Variants in WDR1 observed in about 807,000 individuals in gnomAD.
WDR1 encodes the protein WD repeat-containing protein 1.
In WDR1, 21 loss-of-function variants were observed where a neutral mutation model predicts 71.9. That is an observed-to-expected ratio of 0.29 (90% CI 0.21 to 0.42). The LOEUF is 0.42. WDR1 is among the 10% of genes least tolerant of loss of function. The pLI, the probability that WDR1 is intolerant of heterozygous loss-of-function variation, is 1.00. For synonymous variants in WDR1, 424 were observed against 347.4 expected, an observed-to-expected ratio of 1.22 and a Z score of -2.45; for missense variants, 696 against 824.5, an observed-to-expected ratio of 0.84 and a Z score of 1.91.
intron 2 of WDR1, among the ~76,000 whole-genome samples, chr4:10,105,063 G>A (rs1209999778): frequency 6.6e-6 from 1 of 152,210 alleles, no homozygotes; most frequent in Non-Finnish European, 1.5e-5. Context: ...TCTGTGTGTA[G>A]TCTGTGCCCT....
At position 10,112,048 on chromosome 4, in the gene WDR1, G is replaced by A. The variant is rs180994771; in HGVS notation, c.138+4065C>T. ...GCACACAAGAGGGCCTCTGTTGTGA[G>A]GCAAAAGTTGCTTTTTTTTTTTCTT... On this transcript the variant is annotated intron_variant, in intron 2 of 14. Transcript: ENST00000499869. Among the ~76,000 whole-genome samples, 28 of 152,190 alleles carry A rather than the reference G, an allele frequency of 1.8e-4. No individual in the cohort carries two copies. In the Middle Eastern group the frequency reaches 0.01, roughly 55 times the overall value.
chr4:10,084,915 C>A (rs1388748740), intron 8 of WDR1, among the ~76,000 whole-genome samples: 2 of 152,212 alleles, frequency 1.3e-5, no homozygotes, highest in African/African-American at 4.8e-5. Context: ...GGGGGTCGGT[C>A]CAGGAGGACT....
At chr4:10,082,225 G>A (rs948049833) in intron 10 of WDR1, among the ~76,000 whole-genome samples, 1 of 152,220 alleles carries the variant, frequency 6.6e-6, no homozygotes, top group African/African-American at 2.4e-5. Flanking sequence ...CAGGCAGGCA[G>A]GGCCTGTGTT....
chr4:10,096,830 C>G (rs1397974253), intron 5 of WDR1, among the ~76,000 whole-genome samples: 1 of 150,700 alleles, frequency 6.6e-6, no homozygotes, highest in Non-Finnish European at 1.5e-5. Context: ...AATCTGCAAA[C>G]ACAACCTCCT....
At chr4:10,094,507 G>A (rs1385006210) in intron 5 of WDR1, among the ~76,000 whole-genome samples, 1 of 152,190 alleles carries the variant, frequency 6.6e-6, no homozygotes, top group Non-Finnish European at 1.5e-5. Flanking sequence ...ATGGGGGAAG[G>A]CAGGGAGATG....
At chr4:10,105,009 C>G (rs1011450107) in intron 2 of WDR1, among the ~76,000 whole-genome samples, 1 of 152,130 alleles carries the variant, frequency 6.6e-6, no homozygotes, top group Non-Finnish European at 1.5e-5. Context: ...GAAGTACAGA[C>G]CCTGATTCCT....
At chr4:10,094,185 C>T (rs902422933) in intron 5 of WDR1, among the ~76,000 whole-genome samples, 2 of 152,216 alleles carry the variant, frequency 1.3e-5, no homozygotes, top group Non-Finnish European at 1.5e-5. Flanking sequence ...GCTGAGCCCC[C>T]AGGACGACAT....
At chr4:10,077,971 C>T in intron 12 of WDR1, 45 bp from the exon 13 acceptor site, 1 of 1,538,578 alleles carries the variant, frequency 6.5e-7, no homozygotes, top group Non-Finnish European at 8.8e-7. Flanking sequence ...TGAACACACA[C>T]ACCACACCCA....
chr4:10,097,430 C>T (rs541246708), intron 5 of WDR1, among the ~76,000 whole-genome samples: 6 of 152,382 alleles, frequency 3.9e-5, no homozygotes, highest in South Asian at 2.1e-4. Context: ...CCTGGTTACA[C>T]GGTCAGGGAC....
chr4:10,113,565 T>G (rs1390170013), intron 2 of WDR1, among the ~76,000 whole-genome samples: 6 of 151,126 alleles, frequency 4.0e-5, no homozygotes, highest in Non-Finnish European at 8.8e-5. Context: ...AGGCCTGTCT[T>G]GTGTTTCAGC....
intron 2 of WDR1, among the ~76,000 whole-genome samples, chr4:10,112,870 C>G (rs994416799): frequency 6.6e-6 from 1 of 152,230 alleles, no homozygotes. Context: ...GAGGGGAAAG[C>G]CCTGCTGGCC....
chr4:10,092,914 A>T (rs1018779838), intron 5 of WDR1: 2 of 517,716 alleles, frequency 3.9e-6, no homozygotes, highest in Admixed American at 2.4e-5. Flanking sequence ...CTGGTGGACA[A>T]CTGACGGTGT....
intron 2 of WDR1, among the ~76,000 whole-genome samples, chr4:10,112,346 C>T (rs965819315): frequency 6.6e-6 from 1 of 152,158 alleles, no homozygotes; most frequent in African/African-American, 2.4e-5. Flanking sequence ...ATCCCTTCTC[C>T]GTGGGGAACT....
chr4:10,098,940 G>C, intron 4 of WDR1, 52 bp downstream of exon 4: 1 of 1,610,274 alleles, frequency 6.2e-7, no homozygotes, highest in South Asian at 1.1e-5. Flanking sequence ...ATAGCACATG[G>C]ACGCATGAGC....
intron 2 of WDR1, among the ~76,000 whole-genome samples, chr4:10,115,579 TG>T (rs1338186819): frequency 6.6e-6 from 1 of 152,272 alleles, no homozygotes; most frequent in Non-Finnish European, 1.5e-5. Context: ...CAGGCACCGC[TG>T]GGCTTGAGGG....
intron 3 of WDR1, among the ~76,000 whole-genome samples, chr4:10,100,064 T>A (rs962348068): frequency 6.6e-6 from 1 of 152,242 alleles, no homozygotes; most frequent in Admixed American, 6.5e-5. Context: ...TCTCAAGGCT[T>A]CACGCTTTAA....
chr4:10,106,017 C>G (rs1449631348), intron 2 of WDR1, among the ~76,000 whole-genome samples: 1 of 151,674 alleles, frequency 6.6e-6, no homozygotes, highest in Non-Finnish European at 1.5e-5. Context: ...AAAGACTACA[C>G]ATTGCCTCTC....
intron 11 of WDR1, among the ~76,000 whole-genome samples, chr4:10,079,760 G>A (rs2109638245): frequency 6.6e-6 from 1 of 152,296 alleles, no homozygotes; most frequent in East Asian, 1.9e-4. Flanking sequence ...GTTTCTGCGT[G>A]GATTGTGGGT....
rs772812890 is a variant in WDR1, at chr4:10,078,895, C to T, written c.1391G>A (p.Gly464Asp). 2 of 1,612,070 alleles carry T rather than the reference C, an allele frequency of 1.2e-6. No individual in the cohort carries two copies. Among genetic ancestry groups the T allele is most frequent in the East Asian group, 4.5e-5 (2 of 44,700 alleles). The change falls in exon 12 of 15, where the codon GGT (glycine) becomes GAT (aspartate). Residue 464 changes from glycine (G) to aspartate (D), a missense_variant. Gly to Asp is a moderately conservative substitution (Grantham distance 94). Coordinates refer to ENST00000499869, the MANE Select transcript of WDR1 (RefSeq NM_017491.5). ...GGGGAGAGGAAAGCGACTTACCACA[C>T]CCCCAATTGCCACCGTGTCCCCGCC... ...HPGGDTVAIG[G>D]VDGNVRLYSI...
Sources: allele counts gnomAD v4.1 joint callset (sites outside exome capture counted in the v4.1 genomes callset), GRCh38; gene constraint gnomAD v4.1.1; transcripts MANE v1.5; gene names NCBI Gene and HGNC (gene_info 2026-07-23, HGNC 2026-07-21).